DOCK4: variants seen among roughly 807,000 people sequenced by gnomAD.
DOCK4 encodes dedicator of cytokinesis 4.
Under a neutral mutation model 268.1 loss-of-function variants are expected in DOCK4, and 97 were observed. The ratio of observed to expected loss-of-function variants is 0.36; its 90% confidence interval spans 0.31 to 0.43. The LOEUF (loss-of-function observed/expected upper bound fraction) is 0.43, where lower values mean the gene tolerates loss of function less well. DOCK4 is among the 20% of genes least tolerant of loss of function. DOCK4 has a pLI of 1.00. For synonymous variants in DOCK4, 954 were observed against 887.2 expected (o/e 1.08, Z -1.34); for missense variants, 2,145 against 2,455.7 (o/e 0.87, Z 2.67).
chr7:112,038,101 C>T (rs1032095929), intron 1 of DOCK4, among the ~76,000 whole-genome samples: 1 of 152,152 alleles, frequency 6.6e-6, no homozygotes, highest in African/African-American at 2.4e-5. Context: ...GCCTGTCTAC[C>T]TATCCATTCA....
rs766569605 is a variant in DOCK4, at chr7:111,944,819, A to G, written c.836T>C (p.Ile279Thr). ...RKDIYITVHIIRIGRMGAGEK... is the reference protein window; with the variant it reads ...RKDIYITVHITRIGRMGAGEK... ...ACAAGTGTTATACCTACCGATTCGG[A>G]TAATGTGCACGGTGATATAAATGTC... is the stretch of plus-strand genomic sequence containing the variant. The change falls in exon 10 of 53, where the codon ATC becomes ACC. Residue 279 changes from isoleucine (I) to threonine (T), a missense_variant. Coordinates refer to ENST00000428084, the MANE Select transcript of DOCK4 (RefSeq NM_001363540.2). 1 of 1,613,914 alleles carries G rather than the reference A, an allele frequency of 6.2e-7. No homozygotes were observed. The highest frequency in any genetic ancestry group is 1.1e-5 in the South Asian group (1 of 91,084).
intron 25 of DOCK4, among the ~76,000 whole-genome samples, chr7:111,835,475 T>G (rs1410212361): frequency 6.6e-6 from 1 of 152,202 alleles, no homozygotes; most frequent in African/African-American, 2.4e-5. Flanking sequence ...ACATAGCATC[T>G]ATGGATTTGA....
chr7:112,113,734 A>ATTTTTTTTTTTTTTTT (rs57672966), intron 1 of DOCK4, among the ~76,000 whole-genome samples: 2 of 49,548 alleles, frequency 4.0e-5, no homozygotes, highest in Non-Finnish European at 7.4e-5. Flanking sequence ...TACTTGGCTG[A>ATTTTTTTTTTTTTTTT]TTTTTTTTTT....
intron 27 of DOCK4, among the ~76,000 whole-genome samples, chr7:111,816,829 T>C (rs1344791474): frequency 6.6e-6 from 1 of 152,250 alleles, no homozygotes; most frequent in Admixed American, 6.5e-5. Context: ...TATTTATTTT[T>C]AGCTATTTTG....
chr7:111,961,467 T>C (rs1186234196), intron 8 of DOCK4, among the ~76,000 whole-genome samples: 1 of 152,252 alleles, frequency 6.6e-6, no homozygotes, highest in Non-Finnish European at 1.5e-5. Context: ...GTAGAGGTGA[T>C]GTGCATTCTT....
At chr7:111,843,256 T>C (rs1282726168) in intron 25 of DOCK4, among the ~76,000 whole-genome samples, 1 of 152,112 alleles carries the variant, frequency 6.6e-6, no homozygotes, top group Non-Finnish European at 1.5e-5. Flanking sequence ...AAACTGGACT[T>C]AAATGAAATT....
At chr7:111,906,709 C>A (rs1791605988) in intron 13 of DOCK4, among the ~76,000 whole-genome samples, 1 of 151,952 alleles carries the variant, frequency 6.6e-6, no homozygotes, top group Non-Finnish European at 1.5e-5. Context: ...TCACAGGGTC[C>A]TTGAAAAAGG....
intron 1 of DOCK4, among the ~76,000 whole-genome samples, chr7:112,129,526 A>G (rs1813600743): frequency 6.6e-6 from 1 of 152,196 alleles, no homozygotes; most frequent in Non-Finnish European, 1.5e-5. Context: ...GTGTGTGTAC[A>G]AAATGATTAA....
At chr7:112,183,190 G>C (rs1819205319) in intron 1 of DOCK4, among the ~76,000 whole-genome samples, 1 of 152,150 alleles carries the variant, frequency 6.6e-6, no homozygotes, top group Non-Finnish European at 1.5e-5. Context: ...CCAACCAATT[G>C]CCAATTGAGT....
chr7:111,740,392 C>T (rs1460015541), intron 47 of DOCK4, among the ~76,000 whole-genome samples: 1 of 150,662 alleles, frequency 6.6e-6, no homozygotes, highest in Non-Finnish European at 1.5e-5. Flanking sequence ...TGAGCCACTG[C>T]ACCTAGCCAA....
chr7:111,848,915 A>G (rs1281101354), intron 23 of DOCK4, among the ~76,000 whole-genome samples: 1 of 152,176 alleles, frequency 6.6e-6, no homozygotes, highest in African/African-American at 2.4e-5. Flanking sequence ...GGGACCATTG[A>G]CCATCCCTTT....
intron 1 of DOCK4, among the ~76,000 whole-genome samples, chr7:112,181,492 CA>C (rs942802110): frequency 6.6e-6 from 1 of 151,684 alleles, no homozygotes; most frequent in African/African-American, 2.4e-5. Flanking sequence ...TCCATCTCTA[CA>C]AAAAAATTTA....
At chr7:111,980,952 C>A (rs56346022) in intron 7 of DOCK4, among the ~76,000 whole-genome samples, 12 of 152,246 alleles carry the variant, frequency 7.9e-5, no homozygotes, top group Non-Finnish European at 1.3e-4. Context: ...GGCACTAAAC[C>A]AAAATATCTA....
In DOCK4 at chr7:111,977,223, C is replaced by G. The variant is rs754447818; in HGVS notation, c.610G>C (p.Val204Leu). 19 of 1,611,428 alleles carry G rather than the reference C, an allele frequency of 1.2e-5. No individual in the cohort carries two copies. The South Asian group carries it at 2.0e-4, about 17-fold the overall frequency. The change falls in exon 8 of 53, where the codon GTC (valine) becomes CTC (leucine). Residue 204 changes from valine (V) to leucine (L), a missense_variant. Physicochemically the swap from Val to Leu is conservative, Grantham distance 32. Transcript: ENST00000428084. ...PVQASSHHLFVQMKSLMCSNL... is the reference protein window; with the variant it reads ...PVQASSHHLFLQMKSLMCSNL... Reference sequence around the variant, plus strand: ...GAACACATGAGGCTCTTCATCTGGACAAAGAGGTGGTGACTGCTGGCCTGC... The same window carrying G: ...GAACACATGAGGCTCTTCATCTGGAGAAAGAGGTGGTGACTGCTGGCCTGC...
chr7:111,907,408 C>A (rs1791676759), intron 13 of DOCK4, among the ~76,000 whole-genome samples: 2 of 152,124 alleles, frequency 1.3e-5, no homozygotes, highest in African/African-American at 4.8e-5. Flanking sequence ...GTTGCCATCC[C>A]ACTCTGAGAC....
chr7:112,202,618 C>T (rs1434630516), intron 1 of DOCK4, among the ~76,000 whole-genome samples: 1 of 151,954 alleles, frequency 6.6e-6, no homozygotes, highest in Non-Finnish European at 1.5e-5. Flanking sequence ...TCAGTAATCC[C>T]AGTTACTCAG....
intron 23 of DOCK4, among the ~76,000 whole-genome samples, chr7:111,857,008 C>T (rs10235450): frequency 0.32 from 48,549 of 151,976 alleles, 7,842 homozygotes; most frequent in East Asian, 0.35. Context: ...ATTTTGCAAG[C>T]CCTGGCTAGC....
intron 1 of DOCK4, among the ~76,000 whole-genome samples, chr7:112,117,181 T>C (rs12705805): frequency 0.32 from 47,977 of 152,048 alleles, 7,840 homozygotes; most frequent in East Asian, 0.55. Flanking sequence ...GGGAGTCCCA[T>C]AGCTTTGCTC....
At chr7:112,093,063 T>C (rs778584618) in intron 1 of DOCK4, among the ~76,000 whole-genome samples, 28 of 152,164 alleles carry the variant, frequency 1.8e-4, no homozygotes, top group African/African-American at 6.5e-4. Context: ...CATGTGGAGA[T>C]AATTATATCA....
Sources: allele counts gnomAD v4.1 joint callset (sites outside exome capture counted in the v4.1 genomes callset), GRCh38; gene constraint gnomAD v4.1.1; transcripts MANE v1.5; gene names NCBI Gene and HGNC (gene_info 2026-07-23, HGNC 2026-07-21).